Variants in NKAIN2 observed in about 807,000 individuals in gnomAD.
The protein encoded by NKAIN2 is sodium/potassium transporting ATPase interacting 2, also known as sodium/potassium-transporting ATPase subunit beta-1-interacting protein 2.
In NKAIN2, 14 loss-of-function variants were observed where a neutral mutation model predicts 32.6. That is an observed-to-expected ratio of 0.43 (90% CI 0.28 to 0.67). The LOEUF (loss-of-function observed/expected upper bound fraction) is 0.67. NKAIN2 is among the 30% of genes least tolerant of loss of function. The pLI is 0.17. For missense variants in NKAIN2, 198 were observed against 258.3 expected (o/e 0.77, Z 1.60); for synonymous variants, 80 against 87.2 (o/e 0.92, Z 0.46).
chr6:124,348,824 A>G (rs1356634316), intron 2 of NKAIN2, among the ~76,000 whole-genome samples: 1 of 152,162 alleles, frequency 6.6e-6, no homozygotes, highest in African/African-American at 2.4e-5. Context: ...TCAAGGGGTC[A>G]GGGAGTTCCC....
intron 3 of NKAIN2, among the ~76,000 whole-genome samples, chr6:124,429,486 G>C (rs556733734): frequency 1.3e-5 from 2 of 152,254 alleles, no homozygotes; most frequent in African/African-American, 4.8e-5. Context: ...GCATACTTCT[G>C]TTGTGGCTAG....
chr6:124,798,063 TTATCTATCTATCTATCTATC>T (rs35465154), intron 5 of NKAIN2, among the ~76,000 whole-genome samples: 52 of 148,580 alleles, frequency 3.5e-4, no homozygotes, highest in African/African-American at 3.7e-4. Flanking sequence ...TATCTATCTA[TTATCTATCTATCTATCTATC>T]TATCTATCTA....
intron 1 of NKAIN2, among the ~76,000 whole-genome samples, chr6:124,127,064 TATAG>T (rs914433404): frequency 4.6e-5 from 7 of 151,940 alleles, no homozygotes; most frequent in Non-Finnish European, 5.9e-5. Context: ...TACATATATA[TATAG>T]AGAGAGAGAG....
chr6:124,273,149 G>C (rs888730128), intron 1 of NKAIN2, among the ~76,000 whole-genome samples: 2 of 152,090 alleles, frequency 1.3e-5, no homozygotes, highest in African/African-American at 4.8e-5. Context: ...ATATGAAAGG[G>C]ACATGAGATT....
intron 1 of NKAIN2, among the ~76,000 whole-genome samples, chr6:124,019,790 A>G (rs905254025): frequency 2.0e-5 from 3 of 152,098 alleles, no homozygotes; most frequent in Admixed American, 1.3e-4. Flanking sequence ...CTGAAACTGT[A>G]ACAAATTCTT....
chr6:124,113,934 C>T (rs571503466), intron 1 of NKAIN2, among the ~76,000 whole-genome samples: 1 of 152,264 alleles, frequency 6.6e-6, no homozygotes, highest in East Asian at 1.9e-4. Flanking sequence ...CCTGTTCTGC[C>T]ATCTTGCTGA....
intron 4 of NKAIN2, among the ~76,000 whole-genome samples, chr6:124,708,781 C>A (rs1223831727): frequency 3.3e-5 from 5 of 151,382 alleles, no homozygotes; most frequent in African/African-American, 1.2e-4. Context: ...ATGTCGTCTG[C>A]AAACAGGGAC....
At chr6:124,434,123 C>G (rs1417516583) in intron 3 of NKAIN2, among the ~76,000 whole-genome samples, 1 of 152,134 alleles carries the variant, frequency 6.6e-6, no homozygotes, top group African/African-American at 2.4e-5. Context: ...GCTGTGTTCT[C>G]CAGGAAAACA....
intron 1 of NKAIN2, among the ~76,000 whole-genome samples, chr6:123,839,050 A>G (rs1191135361): frequency 6.6e-6 from 1 of 152,164 alleles, no homozygotes; most frequent in East Asian, 1.9e-4. Context: ...AGGAAGCAGA[A>G]CAGCTCAAGA....
intron 3 of NKAIN2, among the ~76,000 whole-genome samples, chr6:124,599,345 T>TA (rs950204148): frequency 1.2e-4 from 18 of 151,836 alleles, no homozygotes; most frequent in South Asian, 6.2e-4. Context: ...ATCCTCTGTT[T>TA]AAAAAAAAAT....
chr6:124,365,285 CT>C (rs1215263977), intron 3 of NKAIN2, among the ~76,000 whole-genome samples: 1 of 151,616 alleles, frequency 6.6e-6, no homozygotes, highest in Non-Finnish European at 1.5e-5. Context: ...GTATTGTTGT[CT>C]ATAAGAGATA....
chr6:123,808,272 T>C (rs1773306537), intron 1 of NKAIN2, among the ~76,000 whole-genome samples: 1 of 152,134 alleles, frequency 6.6e-6, no homozygotes, highest in Non-Finnish European at 1.5e-5. Context: ...GAATTTTAAC[T>C]TTTTAGGATT....
At chr6:124,188,436 T>A (rs1012624539) in intron 1 of NKAIN2, among the ~76,000 whole-genome samples, 1 of 152,186 alleles carries the variant, frequency 6.6e-6, no homozygotes, top group African/African-American at 2.4e-5. Context: ...CCAGATTATG[T>A]AAAATAATCT....
chr6:124,385,277 C>T (rs553415486), intron 3 of NKAIN2, among the ~76,000 whole-genome samples: 3 of 152,204 alleles, frequency 2.0e-5, no homozygotes, highest in African/African-American at 4.8e-5. Flanking sequence ...GGGAGATGGA[C>T]GAGGTGCCTT....
intron 1 of NKAIN2, among the ~76,000 whole-genome samples, chr6:124,219,284 T>C (rs1283585043): frequency 4.3e-4 from 3 of 6,912 alleles, no homozygotes; most frequent in South Asian, 6.8e-3. Flanking sequence ...TCTTTTTTTC[T>C]TTTTTTTTTT....
chr6:124,533,205 C>G (rs1034840353), intron 3 of NKAIN2, among the ~76,000 whole-genome samples: 1 of 152,200 alleles, frequency 6.6e-6, no homozygotes, highest in East Asian at 1.9e-4. Flanking sequence ...GCCTCCTACT[C>G]TGCCATATTC....
intron 3 of NKAIN2, among the ~76,000 whole-genome samples, chr6:124,605,397 A>G (rs1419493066): frequency 6.6e-6 from 1 of 152,088 alleles, no homozygotes; most frequent in Non-Finnish European, 1.5e-5. Context: ...CCTCTGTAGC[A>G]TGCAAGCTTG....
At chr6:124,138,304 GA>G (rs1212104277) in intron 1 of NKAIN2, among the ~76,000 whole-genome samples, 6 of 152,108 alleles carry the variant, frequency 3.9e-5, no homozygotes. Context: ...ACTCCTTCAA[GA>G]AAGGCCATAA....
chr6:124,199,837 C>T (rs1407728803), intron 1 of NKAIN2, among the ~76,000 whole-genome samples: 1 of 151,962 alleles, frequency 6.6e-6, no homozygotes, highest in Non-Finnish European at 1.5e-5. Flanking sequence ...CACAGTGCAC[C>T]AAAATGTATT....
Sources: gnomAD v4.1 joint callset for allele counts (sites outside exome capture counted in the v4.1 genomes callset) on GRCh38, gnomAD v4.1.1 for gene constraint, MANE v1.5 for transcripts, NCBI Gene and HGNC (gene_info 2026-07-23, HGNC 2026-07-21) for gene names.